The following HEXA variants were observed in gnomAD, a reference collection of about 807,000 sequenced individuals.
HEXA encodes beta-hexosaminidase subunit alpha.
HEXA carries 54 observed loss-of-function variants against 73.3 expected under a neutral mutation model. The ratio of observed to expected loss-of-function variants is 0.74; its 90% confidence interval spans 0.59 to 0.92. The LOEUF (loss-of-function observed/expected upper bound fraction) is 0.92, where lower values mean the gene tolerates loss of function less well. HEXA is among the 40% of genes least tolerant of loss of function. The probability of loss-of-function intolerance (pLI) is 0.00; values close to 1 mark genes in which losing one functional copy is unlikely to be tolerated. For missense variants in HEXA, 649 were observed against 653.0 expected (o/e 0.99, Z 0.07); for synonymous variants, 230 against 246.9 (o/e 0.93, Z 0.64).
chr15:72,345,371 C>G, intron 13 of HEXA, 75 bp downstream of exon 13: 1 of 1,595,774 alleles, frequency 6.3e-7, no homozygotes, highest in Non-Finnish European at 8.5e-7. Context: ...TAATTATTGT[C>G]TTCCTCTCTC....
chr15:72,354,391 G>A (rs11857752), intron 3 of HEXA: 16,583 of 152,692 alleles, frequency 0.11, 1,440 homozygotes, highest in African/African-American at 0.24. Context: ...CAGGTATGTT[G>A]AACCCAGAGT....
chr15:72,372,880 C>T (rs2089011728), intron 1 of HEXA, among the ~76,000 whole-genome samples: 1 of 152,202 alleles, frequency 6.6e-6, no homozygotes, highest in South Asian at 2.1e-4. Context: ...ACCCTGTAAT[C>T]CCAGGACTTT....
chr15:72,348,202 C>T (rs1254859647), intron 8 of HEXA, 68 bp from the exon 9 acceptor site: 20 of 1,049,708 alleles, frequency 1.9e-5, no homozygotes, highest in Non-Finnish European at 2.7e-5. Context: ...GGGGATTAGT[C>T]ACCTGGCCCC....
At chr15:72,365,379 G>A (rs756255806) in intron 1 of HEXA, among the ~76,000 whole-genome samples, 8 of 152,200 alleles carry the variant, frequency 5.3e-5, no homozygotes, top group Admixed American at 5.2e-4. Flanking sequence ...GACTACAGGC[G>A]TGAGCCACGG....
chr15:72,356,614 T>C lies in HEXA; in HGVS notation c.257A>G (p.Lys86Arg). 6.2e-7 allele frequency: 1 copy of C among 1,614,052 alleles called. No individual in the cohort carries two copies. The highest frequency in any genetic ancestry group is 1.7e-5 in the Admixed American group (1 of 60,014). Residue 86 changes from lysine to arginine, a missense_variant, in exon 2 of 14, where the codon AAA (lysine) becomes AGA (arginine). Lys to Arg is a conservative substitution (Grantham distance 26, BLOSUM62 2). Coordinates refer to ENST00000268097, the MANE Select transcript of HEXA (RefSeq NM_000520.6). ...CACATTCTTCTCCAGTGTATGCCGTTTCCCTAGGAAGACAGGGTAAGCTTG... is the reference window on the plus strand; with the variant it reads ...CACATTCTTCTCCAGTGTATGCCGTCTCCCTAGGAAGACAGGGTAAGCTTG... ...GSWPRPYLTG[K>R]RHTLEKNVLV...
intron 1 of HEXA, among the ~76,000 whole-genome samples, chr15:72,374,557 C>A (rs1179068551): frequency 6.6e-6 from 1 of 152,162 alleles, no homozygotes; most frequent in Non-Finnish European, 1.5e-5. Context: ...AATATTACTA[C>A]AAGACTTAAC....
At chr15:72,358,315 G>A (rs1324434392) in intron 1 of HEXA, 1 of 152,140 alleles carries the variant, frequency 6.6e-6, no homozygotes, top group Non-Finnish European at 1.5e-5. Context: ...CTAATCCTCT[G>A]GGGCTCAGCC....
Position 72,343,892 on chromosome 15 carries a change from T to A in HEXA, c.*185A>T. ...AAACACAGGTAATCCATGTTTATTA[T>A]AGAAAAATGCCACATTACTCTTTAT... On this transcript the variant is annotated 3_prime_UTR_variant, in exon 14 of 14. Transcript: ENST00000268097. 1.7e-6 allele frequency: 1 copy of A among 588,198 alleles called. No individual in the cohort carries two copies. The highest frequency in any genetic ancestry group is 3.1e-6 in the Non-Finnish European group (1 of 326,020). 36.4% of individuals were successfully genotyped at this position (588,198 alleles called of 1,614,324 possible).
rs763246017 is a variant in HEXA at position 72,343,809 on chromosome 15, G to C, written c.*268C>G. On this transcript the variant is annotated 3_prime_UTR_variant, in exon 14 of 14. Transcript: ENST00000268097. Reference sequence around the variant, plus strand: ...CTCAACTTAAAAGACCTCAGGGGCAGACACTGACTCCAGCCTGGCTGTGCC... The same window carrying C: ...CTCAACTTAAAAGACCTCAGGGGCACACACTGACTCCAGCCTGGCTGTGCC... 1.2e-5 allele frequency: 5 copies of C among 433,384 alleles called. No homozygotes were observed. Among genetic ancestry groups the C allele is most frequent in the Non-Finnish European group, 2.2e-5 (5 of 231,426 alleles). 26.8% of individuals were successfully genotyped at this position (433,384 alleles called of 1,614,324 possible).
Position 72,341,399 on chromosome 15 carries a change from C to T in HEXA, c.*2678G>A, listed in dbSNP as rs908514408. 6.6e-6 allele frequency: 1 copy of T among 152,082 alleles called. No homozygotes were observed. Among genetic ancestry groups the T allele is most frequent in the Non-Finnish European group, 1.5e-5 (1 of 68,066 alleles). 9.4% of individuals were successfully genotyped at this position (152,082 alleles called of 1,614,324 possible). A position where few individuals can be genotyped will look rare whatever the true frequency, so the allele number is the denominator to read the frequency against. ...AGGGAAGGTACCTGGCATGCAGCCT[C>T]AGCTCCTACCAAGGAGAGGAGAGGT... On this transcript the variant is annotated 3_prime_UTR_variant, in exon 14 of 14. Transcript: ENST00000268097.
Position 72,350,663 on chromosome 15 carries a change from A to G in HEXA, c.673-13T>C, listed in dbSNP as rs75211071. On this transcript the variant is annotated splice_polypyrimidine_tract_variant and intron_variant, in intron 6 of 13. Coordinates refer to ENST00000268097, the MANE Select transcript of HEXA (RefSeq NM_000520.6). The stretch of plus-strand genomic sequence containing the variant: ...GGTTGTAGGACCCCTGAAAGGCACA[A>G]GACACCCTTCAGGTTCACACTTCCT... The G allele has an allele frequency of 7.2e-4, 1,166 of 1,614,088 alleles. 9 individuals carry two copies. In the African/African-American group the frequency reaches 0.014, roughly 19 times the overall value.
At chr15:72,363,212 AG>A (rs2088873574) in intron 1 of HEXA, among the ~76,000 whole-genome samples, 1 of 152,220 alleles carries the variant, frequency 6.6e-6, no homozygotes, top group Non-Finnish European at 1.5e-5. Flanking sequence ...AATGTGCATC[AG>A]GAACTGTGCT....
rs976740258 is a variant in HEXA, at chr15:72,355,463, T to C, written c.412+96A>G. On this transcript the variant is annotated intron_variant, in intron 3 of 13. Coordinates refer to ENST00000268097, the MANE Select transcript of HEXA (RefSeq NM_000520.6). ...ATTGCTTGAGCCTAGGAGGCAGAGG[T>C]TGCAGTGAGCAGGGACTGGGCCACT... The C allele has an allele frequency of 3.5e-6, 3 of 853,184 alleles. No homozygotes were observed. The Admixed American group carries it at 5.1e-5, about 15-fold the overall frequency. 52.9% of individuals were successfully genotyped at this position (853,184 alleles called of 1,614,324 possible). A position where few individuals can be genotyped will look rare whatever the true frequency, so the allele number is the denominator to read the frequency against.
At chr15:72,344,199 C>T (rs1402810131) in intron 13 of HEXA, 59 bp from the exon 14 acceptor site, 1 of 1,186,446 alleles carries the variant, frequency 8.4e-7, no homozygotes, top group Admixed American at 1.7e-5. Flanking sequence ...CCCAGCAACA[C>T]TTTTCACACC....
intron 3 of HEXA, chr15:72,355,127 C>T (rs1417570666): frequency 3.6e-6 from 1 of 277,820 alleles, no homozygotes; most frequent in Non-Finnish European, 7.1e-6. Context: ...TTCCCAGAGC[C>T]CCTGACTAGG....
intron 3 of HEXA, chr15:72,354,671 G>A (rs188150994): frequency 6.6e-5 from 10 of 152,530 alleles, no homozygotes; most frequent in African/African-American, 2.2e-4. Context: ...GCAGGAAGGG[G>A]AGGCAGCATG....
chr15:72,350,838 T>C, intron 6 of HEXA, 188 bp from the exon 7 acceptor site: 1 of 651,832 alleles, frequency 1.5e-6, no homozygotes, highest in East Asian at 2.7e-5. Flanking sequence ...TATCTGAGTA[T>C]CATAATGCCA....
At chr15:72,345,200 T>C (rs556107005) in intron 13 of HEXA, 26 of 576,554 alleles carry the variant, frequency 4.5e-5, no homozygotes, top group South Asian at 3.2e-4. Context: ...AGATTACTTA[T>C]ACCTAATACA....
intron 1 of HEXA, among the ~76,000 whole-genome samples, chr15:72,372,792 CT>C (rs2089010242): frequency 6.6e-6 from 1 of 152,178 alleles, no homozygotes; most frequent in African/African-American, 2.4e-5. Flanking sequence ...AGTATGAATT[CT>C]TAGTTTCAGG....
Sources: gnomAD v4.1 joint callset for allele counts (sites outside exome capture counted in the v4.1 genomes callset) on GRCh38, gnomAD v4.1.1 for gene constraint, MANE v1.5 for transcripts, NCBI Gene and HGNC (gene_info 2026-07-23, HGNC 2026-07-21) for gene names.